SEMA6D: variants seen among roughly 807,000 people sequenced by gnomAD.
SEMA6D encodes the protein semaphorin 6D.
In SEMA6D, 35 loss-of-function variants were observed where a neutral mutation model predicts 106.6. That is an observed-to-expected ratio of 0.33 (90% CI 0.25 to 0.44). The LOEUF is 0.44. Among genes scored for constraint, SEMA6D ranks in the 20% least tolerant of loss-of-function variants. The pLI, the probability that SEMA6D is intolerant of heterozygous loss-of-function variation, is 1.00. For missense variants in SEMA6D, 1,185 were observed against 1,345.9 expected (o/e 0.88, Z 1.87); for synonymous variants, 499 against 487.7 (o/e 1.02, Z -0.31).
At chr15:47,473,856 C>T (rs1206884339) in intron 3 of SEMA6D, among the ~76,000 whole-genome samples, 1 of 152,042 alleles carries the variant, frequency 6.6e-6, no homozygotes, top group Non-Finnish European at 1.5e-5. Flanking sequence ...ACTCTTAAAA[C>T]ATCTATTAGT....
chr15:47,478,252 CTT>C (rs1420029952), intron 3 of SEMA6D, among the ~76,000 whole-genome samples: 1 of 152,112 alleles, frequency 6.6e-6, no homozygotes, highest in Non-Finnish European at 1.5e-5. Context: ...TGGTTTGCCT[CTT>C]TCTATTTTGA....
chr15:47,313,809 C>A (rs575783067), intron 1 of SEMA6D, among the ~76,000 whole-genome samples: 1 of 152,332 alleles, frequency 6.6e-6, no homozygotes, highest in South Asian at 2.1e-4. Flanking sequence ...AGCAATCTTC[C>A]TGCCTTGGCC....
chr15:47,661,772 G>A (rs932117908), intron 4 of SEMA6D, among the ~76,000 whole-genome samples: 43 of 152,276 alleles, frequency 2.8e-4, no homozygotes, highest in African/African-American at 7.9e-4. Flanking sequence ...TCAAAAGTGC[G>A]GGCAGGAGTA....
intron 1 of SEMA6D, among the ~76,000 whole-genome samples, chr15:47,239,525 A>G (rs940380791): frequency 6.6e-6 from 1 of 152,146 alleles, no homozygotes; most frequent in African/African-American, 2.4e-5. Context: ...AATGCTTCCC[A>G]TATTATTCTA....
chr15:47,199,981 A>G (rs1251326842), intron 1 of SEMA6D, among the ~76,000 whole-genome samples: 2 of 152,154 alleles, frequency 1.3e-5, no homozygotes, highest in East Asian at 3.8e-4. Flanking sequence ...TTGAGAGGCC[A>G]AGTAGCATGC....
intron 1 of SEMA6D, among the ~76,000 whole-genome samples, chr15:47,303,603 A>G (rs949531238): frequency 5.9e-5 from 9 of 152,180 alleles, no homozygotes; most frequent in African/African-American, 2.2e-4. Context: ...TATGTTTTAT[A>G]TGGGCAGGAT....
At chr15:47,452,006 A>C (rs2042208994) in intron 2 of SEMA6D, among the ~76,000 whole-genome samples, 1 of 151,968 alleles carries the variant, frequency 6.6e-6, no homozygotes. Context: ...CTTTTTGTGA[A>C]GGCCATTGGT....
At chr15:47,245,596 G>T (rs568407717) in intron 1 of SEMA6D, among the ~76,000 whole-genome samples, 6 of 152,290 alleles carry the variant, frequency 3.9e-5, no homozygotes, top group Non-Finnish European at 8.8e-5. Flanking sequence ...ATCTGTACTA[G>T]TAAGGAAGAT....
chr15:47,552,855 T>TACATATATAAATATATATAA, intron 3 of SEMA6D, among the ~76,000 whole-genome samples: 1 of 88,644 alleles, frequency 1.1e-5, no homozygotes, highest in African/African-American at 7.5e-5. Context: ...TATATATAAA[T>TACATATATAAATATATATAA]ATATATATAT....
chr15:47,630,483 G>A (rs2144491866), intron 4 of SEMA6D, among the ~76,000 whole-genome samples: 1 of 151,786 alleles, frequency 6.6e-6, no homozygotes, highest in South Asian at 2.1e-4. Context: ...ATTAGTTCTA[G>A]GACTTTTTAT....
At chr15:47,319,217 A>G (rs1340641575) in intron 1 of SEMA6D, among the ~76,000 whole-genome samples, 1 of 152,142 alleles carries the variant, frequency 6.6e-6, no homozygotes, top group South Asian at 2.1e-4. Flanking sequence ...AATGTTGTCT[A>G]CTTTATTCAT....
At chr15:47,740,306 G>A (rs1339403078) in intron 1 of SEMA6D, among the ~76,000 whole-genome samples, 1 of 152,076 alleles carries the variant, frequency 6.6e-6, no homozygotes, top group Non-Finnish European at 1.5e-5. Flanking sequence ...AGATCAGCAG[G>A]TCAAGAGATC....
At chr15:47,563,972 A>G (rs1187115470) in intron 3 of SEMA6D, among the ~76,000 whole-genome samples, 3 of 152,232 alleles carry the variant, frequency 2.0e-5, no homozygotes, top group African/African-American at 7.2e-5. Flanking sequence ...ACTTTCTGCA[A>G]GTGTAAATCT....
chr15:47,713,249 G>A (rs1033971236), upstream of SEMA6D, among the ~76,000 whole-genome samples: 79 of 151,654 alleles, frequency 5.2e-4, no homozygotes, highest in African/African-American at 1.9e-3. Context: ...TGCTGAGGTA[G>A]AATAATCAAA....
intron 4 of SEMA6D, among the ~76,000 whole-genome samples, chr15:47,629,806 C>T: frequency 6.6e-6 from 1 of 151,804 alleles, no homozygotes; most frequent in East Asian, 1.9e-4. Context: ...TAATATTTGT[C>T]TTTCTGTGCC....
At chr15:47,254,790 T>G (rs2033707301) in intron 1 of SEMA6D, among the ~76,000 whole-genome samples, 1 of 152,092 alleles carries the variant, frequency 6.6e-6, no homozygotes, top group African/African-American at 2.4e-5. Context: ...TGAATAATCT[T>G]TTTAATGTGC....
At chr15:47,394,546 A>G (rs1181098986) in intron 1 of SEMA6D, among the ~76,000 whole-genome samples, 1 of 152,122 alleles carries the variant, frequency 6.6e-6, no homozygotes, top group East Asian at 1.9e-4. Context: ...AACGGTATTC[A>G]CTAATCACTT....
chr15:47,301,792 C>T (rs1225632346), intron 1 of SEMA6D, among the ~76,000 whole-genome samples: 1 of 152,154 alleles, frequency 6.6e-6, no homozygotes, highest in African/African-American at 2.4e-5. Flanking sequence ...GGGTTTGTGC[C>T]ACAGCATACT....
At chr15:47,344,420 G>C (rs1270851412) in intron 1 of SEMA6D, among the ~76,000 whole-genome samples, 1 of 152,162 alleles carries the variant, frequency 6.6e-6, no homozygotes, top group Non-Finnish European at 1.5e-5. Context: ...AGTAGTGAAG[G>C]ACAGTGATTC....
Sources: gnomAD v4.1 joint callset for allele counts (sites outside exome capture counted in the v4.1 genomes callset) on GRCh38, gnomAD v4.1.1 for gene constraint, MANE v1.5 for transcripts, NCBI Gene and HGNC (gene_info 2026-07-23, HGNC 2026-07-21) for gene names.